The following MACC1 variants were observed in gnomAD, a reference collection of about 807,000 sequenced individuals.
MACC1 encodes MET transcriptional regulator MACC1.
In MACC1, 79 loss-of-function variants were observed where a neutral mutation model predicts 70.7. That is an observed-to-expected ratio of 1.12 (90% CI 0.93 to 1.35). The LOEUF (loss-of-function observed/expected upper bound fraction) is 1.35, where lower values mean the gene tolerates loss of function less well. MACC1 is among the 40% of genes most tolerant of loss of function. MACC1 has a pLI of 0.00. For missense variants in MACC1, 1,106 were observed against 978.1 expected (o/e 1.13, Z -1.74); for synonymous variants, 361 against 347.2 (o/e 1.04, Z -0.44).
rs1012860407 is a variant in MACC1, at chr7:20,170,788, A to G, written c.-217-10T>C. ...CATCTGACAAGGCTACCTACTTGAA[A>G]GAGAATAAACATGAATCTTTGGTCA... On this transcript the variant is annotated splice_polypyrimidine_tract_variant and intron_variant, in intron 1 of 6. Transcript: ENST00000400331. 1 of 152,252 alleles carries G rather than the reference A, an allele frequency of 6.6e-6. No individual in the cohort carries two copies. Among genetic ancestry groups the G allele is most frequent in the Non-Finnish European group, 1.5e-5 (1 of 68,052 alleles). 9.4% of individuals were successfully genotyped at this position (152,252 alleles called of 1,614,324 possible).
At chr7:20,145,961 G>C (rs1171884217) in intron 6 of MACC1, among the ~76,000 whole-genome samples, 1 of 152,054 alleles carries the variant, frequency 6.6e-6, no homozygotes, top group Non-Finnish European at 1.5e-5. Context: ...AGGAGTTCGA[G>C]ACCAGCCTGG....
At chr7:20,206,845 G>C (rs1052617369) in intron 1 of MACC1, among the ~76,000 whole-genome samples, 1 of 152,154 alleles carries the variant, frequency 6.6e-6, no homozygotes, top group Non-Finnish European at 1.5e-5. Context: ...CACCCAGTTA[G>C]ATACCTGTGT....
At chr7:20,166,348 T>C (rs928815343) in intron 2 of MACC1, among the ~76,000 whole-genome samples, 3 of 152,128 alleles carry the variant, frequency 2.0e-5, no homozygotes, top group Admixed American at 2.0e-4. Flanking sequence ...ATGCAACCAG[T>C]ATTTTTTTAA....
In MACC1 at chr7:20,138,808, G is replaced by C. The variant is rs1007538854; in HGVS notation, c.*2138C>G. On this transcript the variant is annotated 3_prime_UTR_variant, in exon 7 of 7. Transcript: ENST00000400331. ...CTGCCTCAGCCTCCTGAGTAGCTGG[G>C]ACTACAGGCGCCTGCCACCACGCCC... The C allele has an allele frequency of 2.6e-5, 4 of 151,990 alleles. No homozygotes were observed. Among genetic ancestry groups the C allele is most frequent in the Non-Finnish European group, 5.9e-5 (4 of 68,008 alleles). The allele number at this position is 151,990 out of a possible 1,614,324, so 9.4% of individuals were successfully genotyped here.
intron 1 of MACC1, among the ~76,000 whole-genome samples, chr7:20,172,609 A>G (rs1406831228): frequency 1.3e-5 from 2 of 152,252 alleles, no homozygotes; most frequent in South Asian, 2.1e-4. Context: ...TAGTGGAAAC[A>G]GAATAAAATA....
intron 4 of MACC1, among the ~76,000 whole-genome samples, chr7:20,161,081 T>A (rs533211004): frequency 1.3e-5 from 2 of 152,210 alleles, no homozygotes; most frequent in Admixed American, 6.5e-5. Flanking sequence ...TCTCACAACA[T>A]TGAAGCCATT....
intron 1 of MACC1, among the ~76,000 whole-genome samples, chr7:20,206,027 A>G (rs1323303412): frequency 7.9e-5 from 12 of 151,968 alleles, no homozygotes; most frequent in African/African-American, 2.9e-4. Flanking sequence ...CTGTTGTTTC[A>G]GATGAAAATA....
rs1355022161 is a variant in MACC1 at position 20,135,762 on chromosome 7, GA to G, written c.*5183del. 6.6e-6 allele frequency: 1 copy of G among 152,214 alleles called. No individual in the cohort carries two copies. The highest frequency in any genetic ancestry group is 1.5e-5 in the Non-Finnish European group (1 of 68,038). 9.4% of individuals were successfully genotyped at this position (152,214 alleles called of 1,614,324 possible). A position where few individuals can be genotyped will look rare whatever the true frequency, so the allele number is the denominator to read the frequency against. On this transcript the variant is annotated 3_prime_UTR_variant, in exon 7 of 7. Transcript: ENST00000400331. ...CAGCGTGCTTTGAGAAGCTCCTAGT[GA>G]AACCAATGCTGACCTCCTAAGTCAG... is the stretch of plus-strand genomic sequence containing the variant.
rs1174166292 is a variant in MACC1, at chr7:20,139,669, T to C, written c.*1277A>G. 6.6e-6 allele frequency: 1 copy of C among 152,160 alleles called. No individual in the cohort carries two copies. Among genetic ancestry groups the C allele is most frequent in the Non-Finnish European group, 1.5e-5 (1 of 68,028 alleles). 9.4% of individuals were successfully genotyped at this position (152,160 alleles called of 1,614,324 possible). A position where few individuals can be genotyped will look rare whatever the true frequency, so the allele number is the denominator to read the frequency against. ...ATGAATGTCTGTCCAAATACACACA[T>C]AAACACTGGCAGGCAACCAGAGGAT... On this transcript the variant is annotated 3_prime_UTR_variant, in exon 7 of 7. Transcript: ENST00000400331.
chr7:20,142,802 C>G (rs1054843068), intron 6 of MACC1, among the ~76,000 whole-genome samples: 1 of 152,162 alleles, frequency 6.6e-6, no homozygotes, highest in African/African-American at 2.4e-5. Flanking sequence ...TGGACACTAC[C>G]TTCTATTCAC....
At chr7:20,176,550 C>A (rs1031836135) in intron 1 of MACC1, among the ~76,000 whole-genome samples, 7 of 152,080 alleles carry the variant, frequency 4.6e-5, no homozygotes, top group South Asian at 2.1e-4. Flanking sequence ...CATAAACTTG[C>A]CATGTGCCCA....
intron 1 of MACC1, among the ~76,000 whole-genome samples, chr7:20,182,368 A>C (rs544687161): frequency 2.6e-5 from 4 of 152,290 alleles, no homozygotes; most frequent in African/African-American, 9.6e-5. Flanking sequence ...GTGATAAATC[A>C]ATTTGATAAT....
At chr7:20,180,655 G>C (rs1177985292) in intron 1 of MACC1, among the ~76,000 whole-genome samples, 1 of 152,030 alleles carries the variant, frequency 6.6e-6, no homozygotes, top group Non-Finnish European at 1.5e-5. Flanking sequence ...GACCAGCCAG[G>C]TCAACATGGT....
chr7:20,155,146 A>G (rs1782037184), intron 5 of MACC1, among the ~76,000 whole-genome samples: 1 of 152,106 alleles, frequency 6.6e-6, no homozygotes, highest in South Asian at 2.1e-4. Context: ...TGCCTTGAGT[A>G]CCATTTTTAA....
In MACC1 at chr7:20,136,023, C is replaced by T. The variant is rs1781713896; in HGVS notation, c.*4923G>A. On this transcript the variant is annotated 3_prime_UTR_variant, in exon 7 of 7. Coordinates refer to ENST00000400331, the MANE Select transcript of MACC1 (RefSeq NM_182762.4). ...AATTATTACTCTTAAATCACATTCT[C>T]TTTTCTCAAAGCAAAAAGAATAAAG... 6.6e-6 allele frequency: 1 copy of T among 152,200 alleles called. No homozygotes were observed. The highest frequency in any genetic ancestry group is 2.1e-4 in the South Asian group (1 of 4,828). 9.4% of individuals were successfully genotyped at this position (152,200 alleles called of 1,614,324 possible). A position where few individuals can be genotyped will look rare whatever the true frequency, so the allele number is the denominator to read the frequency against.
rs115855419 is a variant in MACC1, at chr7:20,142,404, C to T, written c.2347-1246G>A. Among the ~76,000 whole-genome samples the T allele has an allele frequency of 2.6e-3, 392 of 152,240 alleles. 3 individuals are homozygous for T. Among genetic ancestry groups the T allele is most frequent in the African/African-American group, 9.2e-3 (384 of 41,550 alleles). Reference sequence around the variant, plus strand: ...TGAACAGCCATTTCCTCATCTCTCTCGACAAAGCTTAATTTTGCAAGGTAG... The same window carrying T: ...TGAACAGCCATTTCCTCATCTCTCTTGACAAAGCTTAATTTTGCAAGGTAG... On this transcript the variant is annotated intron_variant, in intron 6 of 6. Coordinates refer to ENST00000400331, the MANE Select transcript of MACC1 (RefSeq NM_182762.4).
intron 1 of MACC1, among the ~76,000 whole-genome samples, chr7:20,210,107 G>T (rs189216498): frequency 3.0e-4 from 46 of 152,238 alleles, no homozygotes; most frequent in Non-Finnish European, 5.1e-4. Flanking sequence ...ATAGCAACAT[G>T]AGAACTAATG....
intron 1 of MACC1, among the ~76,000 whole-genome samples, chr7:20,176,726 G>A (rs888156234): frequency 2.0e-5 from 3 of 152,048 alleles, no homozygotes; most frequent in Middle Eastern, 3.2e-3. Context: ...CACCCATACC[G>A]TGAAATATTA....
chr7:20,166,531 C>T (rs1286008472), intron 2 of MACC1, among the ~76,000 whole-genome samples: 1 of 152,172 alleles, frequency 6.6e-6, no homozygotes, highest in Non-Finnish European at 1.5e-5. Flanking sequence ...CACAAGCATA[C>T]TTTCTCCCAG....
Sources: gnomAD v4.1 joint callset for allele counts (sites outside exome capture counted in the v4.1 genomes callset) on GRCh38, gnomAD v4.1.1 for gene constraint, MANE v1.5 for transcripts, NCBI Gene and HGNC (gene_info 2026-07-23, HGNC 2026-07-21) for gene names.